ANOS1: variants seen among roughly 807,000 people sequenced by gnomAD.
ANOS1 encodes anosmin-1.
A neutral mutation model predicts 59.0 loss-of-function variants in ANOS1; 6 were observed. The observed-to-expected ratio is 0.10, with a 90% CI of 0.06 to 0.20. The LOEUF (loss-of-function observed/expected upper bound fraction) is 0.20. Ranked by LOEUF, ANOS1 falls within the 10% of genes least tolerant of loss-of-function variation. The pLI, the probability that ANOS1 is intolerant of heterozygous loss-of-function variation, is 1.00. For synonymous variants in ANOS1, 217 were observed against 223.4 expected (o/e 0.97, Z 0.25); for missense variants, 433 against 542.3 (o/e 0.80, Z 2.00).
chrX:8,557,410 T>C (rs767545041), intron 8 of ANOS1, among the ~76,000 whole-genome samples: 142 of 111,818 alleles, frequency 1.3e-3, no homozygotes, highest in Middle Eastern at 4.6e-3. Flanking sequence ...GAGAAAATTT[T>C]TGCAATCTAT....
At position 8,629,491 on chromosome X, in the gene ANOS1, T is replaced by G. The variant is rs770982366; in HGVS notation, c.256-5821A>C. ...GATATCTGTACACTGAAAAGTACTTTGCAAATCCATGGGATTAGTAAACTA... is the reference window on the plus strand; with the variant it reads ...GATATCTGTACACTGAAAAGTACTTGGCAAATCCATGGGATTAGTAAACTA... On this transcript the variant is annotated intron_variant, in intron 2 of 13. Coordinates refer to ENST00000262648, the MANE Select transcript of ANOS1 (RefSeq NM_000216.4). Among the ~76,000 whole-genome samples the G allele has an allele frequency of 2.7e-5, 3 of 111,741 alleles. No homozygotes were observed. The Admixed American group carries it at 2.9e-4, about 11-fold the overall frequency.
intron 8 of ANOS1, among the ~76,000 whole-genome samples, chrX:8,556,560 G>A (rs1929953395): frequency 9.0e-6 from 1 of 111,454 alleles, no homozygotes; most frequent in East Asian, 2.8e-4. Context: ...CAAATCATGA[G>A]TGAACTCCCA....
chrX:8,541,253 A>G (rs753957183), intron 9 of ANOS1, among the ~76,000 whole-genome samples: 1 of 105,432 alleles, frequency 9.5e-6, no homozygotes, highest in East Asian at 3.1e-4. Flanking sequence ...CAATACAAAA[A>G]TTAGCCAGGC....
intron 3 of ANOS1, among the ~76,000 whole-genome samples, chrX:8,609,069 G>C (rs1049656153): frequency 1.8e-5 from 2 of 111,948 alleles, no homozygotes; most frequent in Admixed American, 9.5e-5. Context: ...ATAAGTTAAG[G>C]GACTGGTTCC....
At chrX:8,668,473 T>C (rs1932199026) in intron 2 of ANOS1, among the ~76,000 whole-genome samples, 2 of 95,136 alleles carry the variant, frequency 2.1e-5, no homozygotes, top group East Asian at 3.2e-4. Flanking sequence ...ATCATATACA[T>C]ATATGATAGT....
chrX:8,720,842 C>T (rs967918182), intron 1 of ANOS1, among the ~76,000 whole-genome samples: 3 of 111,741 alleles, frequency 2.7e-5, no homozygotes, highest in Non-Finnish European at 3.8e-5. Context: ...GGGAGGATTT[C>T]TTGAGCCTAG....
intron 1 of ANOS1, among the ~76,000 whole-genome samples, chrX:8,726,119 C>G (rs1360971686): frequency 4.5e-5 from 5 of 111,004 alleles, no homozygotes; most frequent in Non-Finnish European, 9.4e-5. Flanking sequence ...ATGAGCACCA[C>G]AAAATCCATT....
At chrX:8,677,002 T>A (rs1031791138) in intron 2 of ANOS1, among the ~76,000 whole-genome samples, 1 of 111,941 alleles carries the variant, frequency 8.9e-6, no homozygotes, top group Admixed American at 9.5e-5. Context: ...CCCTCTCGCC[T>A]GAGACCACAC....
rs151312792 is a variant in ANOS1 at position 8,622,099 on chromosome X, G to A, written c.318+1509C>T. 2.5e-3 allele frequency among the ~76,000 whole-genome samples: 274 copies of A among 111,133 alleles called. 1 individual carries two copies. The highest frequency in any genetic ancestry group is 8.6e-3 in the African/African-American group (263 of 30,570). ...GGGGCCCAAACCCACTATGACCCCT[G>A]GTGATTGGCCAAGCGGAGTTGACCA... On this transcript the variant is annotated intron_variant, in intron 3 of 13. Coordinates refer to ENST00000262648, the MANE Select transcript of ANOS1 (RefSeq NM_000216.4).
intron 2 of ANOS1, among the ~76,000 whole-genome samples, chrX:8,675,255 A>G (rs908543978): frequency 3.6e-5 from 4 of 112,174 alleles, no homozygotes; most frequent in African/African-American, 1.3e-4. Context: ...GTATTTTGTA[A>G]CATAATGTAT....
At chrX:8,538,199 A>G (rs1929628944) in intron 10 of ANOS1, among the ~76,000 whole-genome samples, 1 of 112,058 alleles carries the variant, frequency 8.9e-6, no homozygotes, top group Admixed American at 9.5e-5. Flanking sequence ...TTTGGAAATA[A>G]ATCTGCTCTT....
intron 1 of ANOS1, among the ~76,000 whole-genome samples, 198 bp downstream of exon 1, chrX:8,731,632 T>C (rs886935394): frequency 1.8e-5 from 2 of 112,527 alleles, no homozygotes; most frequent in African/African-American, 6.4e-5. Flanking sequence ...GGGCTTCTTT[T>C]TCTTTTCAGG....
At chrX:8,619,334 G>GCA (rs1569065151) in intron 3 of ANOS1, among the ~76,000 whole-genome samples, 16 of 111,632 alleles carry the variant, frequency 1.4e-4, no homozygotes, top group East Asian at 1.4e-3. Context: ...GGCCGGGCAA[G>GCA]GTGGCTCACG....
At chrX:8,590,557 G>A (rs138253008) in intron 4 of ANOS1, among the ~76,000 whole-genome samples, 32 of 111,808 alleles carry the variant, frequency 2.9e-4, no homozygotes, top group African/African-American at 1.0e-3. Flanking sequence ...GCCTCTTGCT[G>A]CAGCAAATTC....
At chrX:8,601,188 T>C (rs1487395990) in intron 3 of ANOS1, among the ~76,000 whole-genome samples, 1 of 58,885 alleles carries the variant, frequency 1.7e-5, no homozygotes, top group Non-Finnish European at 2.9e-5. Flanking sequence ...AGCGAGACTT[T>C]GTCTCAAAAA....
At chrX:8,687,512 G>C (rs1308298510) in intron 2 of ANOS1, among the ~76,000 whole-genome samples, 1 of 107,441 alleles carries the variant, frequency 9.3e-6, no homozygotes, top group Non-Finnish European at 1.9e-5. Flanking sequence ...ATAGGGAGAA[G>C]GGAGTATCTG....
chrX:8,644,744 A>G (rs1449036869), intron 2 of ANOS1, among the ~76,000 whole-genome samples: 1 of 112,119 alleles, frequency 8.9e-6, no homozygotes, highest in Non-Finnish European at 1.9e-5. Flanking sequence ...TCTTAACTCA[A>G]GCATTTCTTT....
At chrX:8,624,532 A>G (rs1367513860) in intron 2 of ANOS1, among the ~76,000 whole-genome samples, 2 of 111,388 alleles carry the variant, frequency 1.8e-5, no homozygotes, top group East Asian at 2.8e-4. Context: ...ACTCAGATAC[A>G]TCGAGTTTAA....
intron 11 of ANOS1, 51 bp from the exon 12 acceptor site, chrX:8,535,862 G>A (rs1929582119): frequency 2.0e-6 from 2 of 1,007,481 alleles, no homozygotes; most frequent in South Asian, 1.9e-5. Flanking sequence ...GAGAAGGTGT[G>A]CCCAAGGGAT....
Sources: gnomAD v4.1 joint callset for allele counts (sites outside exome capture counted in the v4.1 genomes callset) on GRCh38, gnomAD v4.1.1 for gene constraint, MANE v1.5 for transcripts, NCBI Gene and HGNC (gene_info 2026-07-23, HGNC 2026-07-21) for gene names.